ACAP3: variants seen among roughly 807,000 people sequenced by gnomAD.
The protein encoded by ACAP3 is ArfGAP with coiled-coil, ankyrin repeat and PH domains 3.
Under a neutral mutation model 104.1 loss-of-function variants are expected in ACAP3, and 56 were observed. That is an observed-to-expected ratio of 0.54 (90% CI 0.43 to 0.67). The LOEUF (loss-of-function observed/expected upper bound fraction) is 0.67. Ranked by LOEUF, ACAP3 falls within the 30% of genes least tolerant of loss-of-function variation. The pLI is 0.00. For synonymous variants in ACAP3, 628 were observed against 496.2 expected (o/e 1.27, Z -3.53); for missense variants, 1,208 against 1,174.9 (o/e 1.03, Z -0.41).
rs1641471338 is a variant in ACAP3 at position 1,302,111 on chromosome 1, C to T, written c.280-65G>A. 5 of 1,347,858 alleles carry T rather than the reference C, an allele frequency of 3.7e-6. No homozygotes were observed. The Middle Eastern group carries it at 6.4e-4, about 172-fold the overall frequency. 83.5% of individuals were successfully genotyped at this position (1,347,858 alleles called of 1,614,324 possible). ...CGAAAGAGCCCCAGATGGAAGGCCC[C>T]ATCCTCACCAGCAGAGGGCACTGCC... On this transcript the variant is annotated intron_variant, in intron 4 of 23. Coordinates refer to ENST00000354700, the MANE Select transcript of ACAP3 (RefSeq NM_030649.3).
At chr1:1,302,477 G>A (rs1444625742) in intron 4 of ACAP3, among the ~76,000 whole-genome samples, 1 of 152,182 alleles carries the variant, frequency 6.6e-6, no homozygotes, top group Non-Finnish European at 1.5e-5. Context: ...GCACAACCAG[G>A]AGCAAAGGGA....
chr1:1,306,386 C>T (rs1383327893), intron 1 of ACAP3, among the ~76,000 whole-genome samples: 1 of 152,158 alleles, frequency 6.6e-6, no homozygotes, highest in African/African-American at 2.4e-5. Context: ...AGCAGGGAGG[C>T]CATGCCCACA....
In ACAP3 at chr1:1,294,424, G is replaced by A. The variant is rs1319532754; in HGVS notation, c.2117C>T (p.Pro706Leu). 7.6e-6 allele frequency: 12 copies of A among 1,575,612 alleles called. No homozygotes were observed. Among genetic ancestry groups the A allele is most frequent in the African/African-American group, 2.7e-5 (2 of 73,448 alleles). The part of the protein sequence containing the change: ...WADAEDEGKT[P>L]LVQAVLGGSL... ...CACCCCTAGCACGGCCTGCACCAGC[G>A]GCGTCTTGCCCTCATCCTCCGCGTC... is the stretch of plus-strand genomic sequence containing the variant. Residue 706 changes from proline (P) to leucine (L), a missense_variant, in exon 21 of 24, where the codon CCG (proline) becomes CTG (leucine). Transcript: ENST00000354700.
chr1:1,300,422 C>G, intron 6 of ACAP3, 87 bp downstream of exon 6: 1 of 1,421,902 alleles, frequency 7.0e-7, no homozygotes, highest in Non-Finnish European at 9.5e-7. Flanking sequence ...CACTCCTGCT[C>G]AAAATCCCTC....
intron 19 of ACAP3, chr1:1,295,024 C>G: frequency 1.7e-6 from 1 of 588,460 alleles, no homozygotes; most frequent in Non-Finnish European, 3.0e-6. Flanking sequence ...GGGGTAGCCC[C>G]CTAAAGCCCA....
chr1:1,298,813 G>A (rs941548809), intron 10 of ACAP3, 134 bp from the exon 11 acceptor site: 15 of 688,276 alleles, frequency 2.2e-5, no homozygotes, highest in Non-Finnish European at 3.3e-5. Context: ...ACGCTCAGAC[G>A]AGAGACCCTC....
At chr1:1,296,859 C>G (rs1413547435) in intron 14 of ACAP3, among the ~76,000 whole-genome samples, 1 of 151,402 alleles carries the variant, frequency 6.6e-6, no homozygotes, top group Admixed American at 6.6e-5. Flanking sequence ...ACAGGTGGCG[C>G]CGAGCACACG....
Position 1,303,285 on chromosome 1 carries a change from T to TG in ACAP3, c.106-5dup, listed in dbSNP as rs751964805. 6.3e-7 allele frequency: 1 copy of TG among 1,575,830 alleles called. No individual in the cohort carries two copies. ...TGCCACTGCACAGCTTCACCAGCTGTGGGCCAGCGGGGCGTGGTGAGCACA... is the reference window on the plus strand; with the variant it reads ...TGCCACTGCACAGCTTCACCAGCTGTGGGGCCAGCGGGGCGTGGTGAGCACA... On this transcript the variant is annotated splice_region_variant and splice_polypyrimidine_tract_variant and intron_variant, in intron 2 of 23. Coordinates refer to ENST00000354700, the MANE Select transcript of ACAP3 (RefSeq NM_030649.3). This position sits in a 1 kb window ranked among gnomAD's most constrained non-coding sequence, Gnocchi z 4.0.
At position 1,303,111 on chromosome 1, in the gene ACAP3, C is replaced by T. The variant is rs754897775; in HGVS notation, c.225+51G>A. The T allele has an allele frequency of 5.8e-5, 90 of 1,561,994 alleles. 1 individual carries two copies. In the South Asian group the frequency reaches 7.6e-4, roughly 13 times the overall value. On this transcript the variant is annotated intron_variant, in intron 3 of 23. Transcript: ENST00000354700. The surrounding 1 kb of genome is among the most constrained non-coding windows in gnomAD (Gnocchi z 4.0). ...GACGCCCTCAAGGGGCTGCCTCCCT[C>T]GGCCTCTCCCCCAACCCCACCTTGA...
At chr1:1,307,397 C>T (rs1163250080) in intron 1 of ACAP3, 2 of 1,291,024 alleles carry the variant, frequency 1.5e-6, no homozygotes, top group Non-Finnish European at 2.0e-6. Context: ...GACACAGGAT[C>T]AAGTCAGAGA....
chr1:1,293,960 T>TCGGGGCGGGGCGGGG (rs760863854), intron 22 of ACAP3, 27 bp from the exon 23 acceptor site: 1 of 1,048,022 alleles, frequency 9.5e-7, no homozygotes, highest in Admixed American at 2.1e-5. Context: ...GAGGGGCGTG[T>TCGGGGCGGGGCGGGG]CGGGGCGGGG....
chr1:1,298,838 A>G, intron 10 of ACAP3, 159 bp from the exon 11 acceptor site: 1 of 635,792 alleles, frequency 1.6e-6, no homozygotes, highest in Non-Finnish European at 2.8e-6. Context: ...CACCACAGCC[A>G]CTTCTTGACC....
At position 1,307,635 on chromosome 1, in the gene ACAP3, C is replaced by T. The variant is rs1641800116; in HGVS notation, c.47+134G>A. 43 of 957,130 alleles carry T rather than the reference C, an allele frequency of 4.5e-5. 1 individual carries two copies. In the South Asian group the frequency reaches 1.1e-3, roughly 24 times the overall value. The allele number at this position is 957,130 out of a possible 1,614,324, so 59.3% of individuals were successfully genotyped here. ...GGCGGGGCGGGGCCGCCGCTTTGTC[C>T]GAGGCCGGTCCTCCAGCCCCTCCCC... On this transcript the variant is annotated intron_variant, in intron 1 of 23. Coordinates refer to ENST00000354700, the MANE Select transcript of ACAP3 (RefSeq NM_030649.3).
intron 6 of ACAP3, 40 bp downstream of exon 6, chr1:1,300,469 A>G (rs1557606002): frequency 6.4e-7 from 1 of 1,570,486 alleles, no homozygotes; most frequent in Admixed American, 1.9e-5. Context: ...TCCATTCGCT[A>G]CAGCTGGTCC....
At position 1,304,116 on chromosome 1, in the gene ACAP3, G is replaced by T. The variant is rs776559220; in HGVS notation, c.75C>A (p.Asp25Glu). The T allele has an allele frequency of 1.3e-6, 2 of 1,550,688 alleles. No homozygotes were observed. The highest frequency in any genetic ancestry group is 2.4e-5 in the East Asian group (1 of 40,926). ...FRATIDEVETDVVEIEAKLDK... is the reference protein window; with the variant it reads ...FRATIDEVETEVVEIEAKLDK... ...CCAGTTTGGCCTCAATCTCCACCACGTCCGTCTCCACCTCGTCAATGGTCG... is the reference window on the plus strand; with the variant it reads ...CCAGTTTGGCCTCAATCTCCACCACTTCCGTCTCCACCTCGTCAATGGTCG... The change falls in exon 2 of 24, where the codon GAC becomes GAA. Residue 25 changes from aspartate to glutamate, a missense_variant. Coordinates refer to ENST00000354700, the MANE Select transcript of ACAP3 (RefSeq NM_030649.3).
At chr1:1,299,077 G>T in intron 10 of ACAP3, 1 of 573,364 alleles carries the variant, frequency 1.7e-6, no homozygotes. Context: ...TGTGTGTCCC[G>T]CCATCTGGCA....
At chr1:1,301,705 T>A in intron 5 of ACAP3, 1 of 276,494 alleles carries the variant, frequency 3.6e-6, no homozygotes, top group African/African-American at 2.2e-5. Flanking sequence ...TCTCAAGATC[T>A]GTCCAGCCCA....
At position 1,293,656 on chromosome 1, in the gene ACAP3, C is replaced by A. The variant is rs1364934895; in HGVS notation, c.2413G>T (p.Gly805Cys). 6.8e-7 allele frequency: 1 copy of A among 1,475,680 alleles called. No individual in the cohort carries two copies. The highest frequency in any genetic ancestry group is 8.9e-7 in the Non-Finnish European group (1 of 1,122,098). The allele number at this position is 1,475,680 out of a possible 1,614,324, so 91.4% of individuals were successfully genotyped here. A position where few individuals can be genotyped will look rare whatever the true frequency, so the allele number is the denominator to read the frequency against. ...CTGCCCGCCAGGGCGCCCGGGGGAC[C>A]AGGGGCAGCCTCGGCCTCGCGCATT... ...EEMREAEAAP[G>C]PPGALAGSPT... Residue 805 changes from glycine to cysteine, a missense_variant, in exon 24 of 24, where the codon GGT becomes TGT. By Grantham distance (159) the Gly-to-Cys change is radical (BLOSUM62 -3). Transcript: ENST00000354700.
At chr1:1,297,784 T>G in intron 14 of ACAP3, 38 bp downstream of exon 14, 1 of 1,591,560 alleles carries the variant, frequency 6.3e-7, no homozygotes, top group Non-Finnish European at 8.6e-7. Flanking sequence ...GGCACGTGTG[T>G]GTGCACGGGC....
Sources: gnomAD v4.1 joint callset for allele counts (sites outside exome capture counted in the v4.1 genomes callset) on GRCh38, gnomAD v4.1.1 for gene constraint, Gnocchi (gnomAD v3.1) non-coding constraint, MANE v1.5 for transcripts, NCBI Gene and HGNC (gene_info 2026-07-23, HGNC 2026-07-21) for gene names.